The following CCDC138 variants were observed in gnomAD, a reference collection of about 807,000 sequenced individuals.
The protein encoded by CCDC138 is coiled-coil domain-containing protein 138.
Under a neutral mutation model 82.3 loss-of-function variants are expected in CCDC138, and 66 were observed. The observed-to-expected ratio is 0.80, with a 90% confidence interval of 0.66 to 0.98. The LOEUF is 0.98. Ranked by LOEUF, CCDC138 falls within the 50% of genes least tolerant of loss-of-function variation. CCDC138 has a pLI of 0.00. For missense variants in CCDC138, 816 were observed against 758.9 expected, an observed-to-expected ratio of 1.08 and a Z score of -0.88; for synonymous variants, 297 against 265.4, an observed-to-expected ratio of 1.12 and a Z score of -1.16.
intron 1 of CCDC138, among the ~76,000 whole-genome samples, chr2:108,787,549 GAGTTCATAAGAAA>G (rs1679095217): frequency 1.3e-5 from 2 of 152,256 alleles, no homozygotes; most frequent in East Asian, 3.9e-4. Context: ...TGGTAATCTA[GAGTTCATAAGAAA>G]TTTCAGCAAT....
downstream of CCDC138, among the ~76,000 whole-genome samples, chr2:108,880,725 C>G (rs1302275233): frequency 6.6e-6 from 1 of 152,162 alleles, no homozygotes; most frequent in Admixed American, 6.5e-5. Flanking sequence ...TACTTTAAGC[C>G]TGCTGTTGAG....
chr2:108,840,868 C>G (rs763095334), intron 11 of CCDC138, among the ~76,000 whole-genome samples: 22 of 151,724 alleles, frequency 1.5e-4, no homozygotes, highest in Admixed American at 2.6e-4. Flanking sequence ...CTGGAATTCA[C>G]TGGCACAGTC....
At chr2:108,802,436 T>C (rs1035104020) in intron 6 of CCDC138, among the ~76,000 whole-genome samples, 2,919 of 141,796 alleles carry the variant, frequency 0.021, 176 homozygotes, top group African/African-American at 0.082. Flanking sequence ...TGTTTGTCTG[T>C]TGTTGGTGTA....
At chr2:108,822,837 T>G (rs7589166) in intron 10 of CCDC138, among the ~76,000 whole-genome samples, 10,676 of 151,794 alleles carry the variant, frequency 0.07, 1,275 homozygotes, top group African/African-American at 0.24. Flanking sequence ...GGAAGAGAGA[T>G]CAAAATCAAA....
intron 13 of CCDC138, among the ~76,000 whole-genome samples, chr2:108,869,618 A>G (rs111503558): frequency 2.0e-5 from 3 of 152,172 alleles, no homozygotes; most frequent in African/African-American, 7.2e-5. Flanking sequence ...TACAAGATCT[A>G]AGGCCTTCAG....
chr2:108,789,969 T>C (rs991345262), intron 3 of CCDC138, among the ~76,000 whole-genome samples: 1 of 152,226 alleles, frequency 6.6e-6, no homozygotes. Flanking sequence ...CATGAAATGT[T>C]GAAATAATTG....
At chr2:108,850,879 T>C (rs1358747236) in intron 12 of CCDC138, among the ~76,000 whole-genome samples, 1 of 152,076 alleles carries the variant, frequency 6.6e-6, no homozygotes, top group African/African-American at 2.4e-5. Flanking sequence ...TGGAGGTTTT[T>C]CCCCACATAC....
At chr2:108,867,320 T>C (rs10175865) in intron 13 of CCDC138, among the ~76,000 whole-genome samples, 2,443 of 152,254 alleles carry the variant, frequency 0.016, 74 homozygotes, top group African/African-American at 0.057. Flanking sequence ...TGGGAATTAC[T>C]GGCAGCACTA....
intron 10 of CCDC138, among the ~76,000 whole-genome samples, chr2:108,817,775 A>G (rs1197184076): frequency 6.6e-6 from 1 of 152,210 alleles, no homozygotes; most frequent in Non-Finnish European, 1.5e-5. Flanking sequence ...TGGCTGGCTG[A>G]GACCCATTTT....
intron 10 of CCDC138, among the ~76,000 whole-genome samples, chr2:108,830,819 CA>C (rs375632403): frequency 6.6e-4 from 91 of 138,476 alleles, no homozygotes; most frequent in Admixed American, 5.2e-3. Context: ...AAATAAAAAA[CA>C]AAAAAAAAAA....
chr2:108,850,601 A>G (rs1422221357), intron 12 of CCDC138, among the ~76,000 whole-genome samples: 2 of 151,978 alleles, frequency 1.3e-5, no homozygotes, highest in East Asian at 3.9e-4. Context: ...ACAGGCACGC[A>G]CCACCACACC....
intron 12 of CCDC138, among the ~76,000 whole-genome samples, chr2:108,849,857 C>T (rs1046265473): frequency 1.3e-5 from 2 of 152,142 alleles, no homozygotes; most frequent in South Asian, 4.1e-4. Flanking sequence ...AAGAAAGAAG[C>T]CTGAATGCTG....
exon 3 of CCDC138, chr2:108,885,146 A>C (rs1696391901): frequency 6.6e-6 from 1 of 152,162 alleles, no homozygotes; most frequent in African/African-American, 2.4e-5. Context: ...CTTCCTATTC[A>C]CAAACCCACC....
chr2:108,813,248 C>CAAAAA lies in CCDC138; in HGVS notation c.1041+341_1041+345dup, dbSNP rs371435296. ...TGGGCGACAGAGTGAGACTCCGTCT[C>CAAAAA]AAAAAAAAAAAAAAAAAAAAAAAAG... On this transcript the variant is annotated intron_variant, in intron 9 of 14. Coordinates refer to ENST00000295124, the MANE Select transcript of CCDC138 (RefSeq NM_144978.3). Among the ~76,000 whole-genome samples, 235 of 63,252 alleles carry CAAAAA rather than the reference C, an allele frequency of 3.7e-3. 3 individuals are homozygous for CAAAAA. Among genetic ancestry groups the CAAAAA allele is most frequent in the East Asian group, 6.2e-3 (12 of 1,924 alleles). 41.5% of individuals were successfully genotyped at this position (63,252 alleles called of 152,430 possible).
chr2:108,818,981 T>C (rs1018078001), intron 10 of CCDC138, among the ~76,000 whole-genome samples: 1 of 152,166 alleles, frequency 6.6e-6, no homozygotes, highest in Non-Finnish European at 1.5e-5. Context: ...TGGAATATTA[T>C]CAAAGAAATT....
chr2:108,791,885 C>T, intron 4 of CCDC138, 83 bp downstream of exon 4: 1 of 1,337,212 alleles, frequency 7.5e-7, no homozygotes, highest in Admixed American at 2.5e-5. Context: ...AGTAATAACA[C>T]TGGCCCCCAA....
chr2:108,866,324 T>A (rs1456133060), intron 13 of CCDC138, among the ~76,000 whole-genome samples: 1 of 152,238 alleles, frequency 6.6e-6, no homozygotes, highest in Non-Finnish European at 1.5e-5. Context: ...TCAGTATCTC[T>A]AATTTAATCA....
intron 12 of CCDC138, among the ~76,000 whole-genome samples, chr2:108,853,699 T>C (rs1312684074): frequency 6.7e-6 from 1 of 149,450 alleles, no homozygotes; most frequent in Admixed American, 6.8e-5. Flanking sequence ...TCTAATTTTT[T>C]ATTTTTTGTA....
intron 12 of CCDC138, among the ~76,000 whole-genome samples, chr2:108,856,153 C>T (rs1692560338): frequency 6.6e-6 from 1 of 151,982 alleles, no homozygotes; most frequent in African/African-American, 2.4e-5. Flanking sequence ...GCAGGTTTCT[C>T]AGTCATCTGT....
Sources: allele counts gnomAD v4.1 joint callset (sites outside exome capture counted in the v4.1 genomes callset), GRCh38; gene constraint gnomAD v4.1.1; transcripts MANE v1.5; gene names NCBI Gene and HGNC (gene_info 2026-07-23, HGNC 2026-07-21).